The following ZBTB16 variants were observed in gnomAD, a reference collection of about 807,000 sequenced individuals.
The protein encoded by ZBTB16 is zinc finger and BTB domain containing 16.
A neutral mutation model predicts 56.8 loss-of-function variants in ZBTB16; 8 were observed. That is an observed-to-expected ratio of 0.14 (90% CI 0.08 to 0.25). ZBTB16 has a LOEUF of 0.25. Among genes scored for constraint, ZBTB16 ranks in the 10% least tolerant of loss-of-function variants. The pLI is 1.00. For missense variants in ZBTB16, 625 were observed against 903.0 expected (o/e 0.69, Z 3.95); for synonymous variants, 363 against 368.5 (o/e 0.98, Z 0.17).
In ZBTB16 at chr11:114,242,349, C is replaced by T. The variant is rs753893857; in HGVS notation, c.1624+12C>T. The T allele has an allele frequency of 1.9e-6, 3 of 1,612,528 alleles. No homozygotes were observed. Among genetic ancestry groups the T allele is most frequent in the Admixed American group, 1.7e-5 (1 of 59,984 alleles). ...GCGCTCACATACAGGTAGGTCAGTCCAGCTGATGGGTGGATCTGGGTCTCT... is the reference window on the plus strand; with the variant it reads ...GCGCTCACATACAGGTAGGTCAGTCTAGCTGATGGGTGGATCTGGGTCTCT... On this transcript the variant is annotated intron_variant, in intron 5 of 6. Coordinates refer to ENST00000335953, the MANE Select transcript of ZBTB16 (RefSeq NM_006006.6).
chr11:114,107,872 AAATT>A (rs1218050487), intron 2 of ZBTB16, among the ~76,000 whole-genome samples: 1 of 151,738 alleles, frequency 6.6e-6, no homozygotes, highest in Non-Finnish European at 1.5e-5. Context: ...AGAGATTTTC[AAATT>A]AATTTGGAGT....
intron 4 of ZBTB16, among the ~76,000 whole-genome samples, chr11:114,200,080 A>G (rs1038905620): frequency 6.6e-6 from 1 of 151,090 alleles, no homozygotes; most frequent in Non-Finnish European, 1.5e-5. Flanking sequence ...GTGAGAAGAG[A>G]TCACGCCACT....
intron 2 of ZBTB16, among the ~76,000 whole-genome samples, chr11:114,103,663 C>T (rs1176413601): frequency 1.3e-5 from 2 of 152,162 alleles, no homozygotes; most frequent in Non-Finnish European, 2.9e-5. Flanking sequence ...TAAACCTCTG[C>T]ACACAGGATG....
intron 1 of ZBTB16, chr11:114,061,603 G>C (rs1938873508): frequency 6.6e-6 from 1 of 152,312 alleles, no homozygotes; most frequent in Admixed American, 6.5e-5. Context: ...AGACCTTGCT[G>C]TTCCTTGCTC....
At chr11:114,220,952 T>C (rs1205967865) in intron 4 of ZBTB16, among the ~76,000 whole-genome samples, 1 of 152,198 alleles carries the variant, frequency 6.6e-6, no homozygotes, top group African/African-American at 2.4e-5. Context: ...GTAGACAGCT[T>C]CCCTAGTTTC....
chr11:114,107,948 T>C (rs187091569), intron 2 of ZBTB16, among the ~76,000 whole-genome samples: 2 of 151,988 alleles, frequency 1.3e-5, no homozygotes, highest in African/African-American at 4.8e-5. Flanking sequence ...TTCCTTATAG[T>C]GGGATCCCAT....
At chr11:114,096,253 G>A (rs1940401516) in intron 2 of ZBTB16, among the ~76,000 whole-genome samples, 1 of 152,098 alleles carries the variant, frequency 6.6e-6, no homozygotes, top group Non-Finnish European at 1.5e-5. Flanking sequence ...GCCAGGCTTT[G>A]GATATTGGAG....
intron 4 of ZBTB16, among the ~76,000 whole-genome samples, chr11:114,194,511 T>G (rs1002040765): frequency 6.6e-6 from 1 of 152,226 alleles, no homozygotes; most frequent in African/African-American, 2.4e-5. Flanking sequence ...TTTTCTGTTT[T>G]GGTACAACGA....
intron 2 of ZBTB16, among the ~76,000 whole-genome samples, chr11:114,155,192 C>G (rs1013785972): frequency 6.6e-6 from 1 of 152,254 alleles, no homozygotes; most frequent in Non-Finnish European, 1.5e-5. Context: ...CCCACAGATC[C>G]GGCTTCTGGC....
chr11:114,124,564 A>C (rs1257510620), intron 2 of ZBTB16, among the ~76,000 whole-genome samples: 2 of 149,690 alleles, frequency 1.3e-5, no homozygotes, highest in Non-Finnish European at 3.0e-5. Flanking sequence ...AACCAAAAAA[A>C]AAAAAAAACA....
chr11:114,241,103 G>A (rs1350513227), intron 4 of ZBTB16, among the ~76,000 whole-genome samples: 1 of 152,174 alleles, frequency 6.6e-6, no homozygotes, highest in Non-Finnish European at 1.5e-5. Context: ...CATGAGAGCA[G>A]GGACTTTGCA....
rs1253737746 is a variant in ZBTB16 at position 114,060,890 on chromosome 11, A to AC, written c.-91+1012dup. Among the ~76,000 whole-genome samples the AC allele has an allele frequency of 5.3e-5, 8 of 151,054 alleles. No individual in the cohort carries two copies. The South Asian group carries it at 1.5e-3, about 28-fold the overall frequency. ...TGGGTCGGAGAGGGAGGGCGGGCAG[A>AC]CCCCTTCTCGCCTTTCCTCCCACAA... On this transcript the variant is annotated intron_variant, in intron 1 of 6. Transcript: ENST00000335953. This position sits in a 1 kb window ranked among gnomAD's most constrained non-coding sequence, Gnocchi z 6.0.
intron 4 of ZBTB16, among the ~76,000 whole-genome samples, chr11:114,212,065 G>T (rs997093414): frequency 5.9e-5 from 9 of 151,850 alleles, no homozygotes; most frequent in African/African-American, 1.9e-4. Flanking sequence ...GTGTCTTGCC[G>T]CCAGCCCACC....
rs1943361673 is a variant in ZBTB16 at position 114,186,401 on chromosome 11, A to G, written c.1367-551A>G. Among the ~76,000 whole-genome samples the G allele has an allele frequency of 2.0e-5, 3 of 152,132 alleles. 1 individual carries two copies. The highest frequency in any genetic ancestry group is 2.0e-4 in the Admixed American group (3 of 15,280). The stretch of plus-strand genomic sequence containing the variant: ...CCAGAAATGCTTTGTGAGTCACAGT[A>G]AGGAGTTTGGACCTTGTTCTCCAGG... On this transcript the variant is annotated intron_variant, in intron 3 of 6. Transcript: ENST00000335953.
At chr11:114,160,111 G>C (rs1407929433) in intron 3 of ZBTB16, among the ~76,000 whole-genome samples, 2 of 152,148 alleles carry the variant, frequency 1.3e-5, no homozygotes, top group Non-Finnish European at 2.9e-5. Flanking sequence ...GGCTAGCTCT[G>C]TGTGCTGCCC....
intron 2 of ZBTB16, among the ~76,000 whole-genome samples, chr11:114,127,284 G>C (rs919207316): frequency 2.6e-5 from 4 of 152,124 alleles, no homozygotes; most frequent in African/African-American, 4.8e-5. Context: ...GCAGATCAAG[G>C]GTTCTCAAAG....
chr11:114,066,739 A>G (rs1939131259), intron 2 of ZBTB16, among the ~76,000 whole-genome samples: 1 of 147,520 alleles, frequency 6.8e-6, no homozygotes, highest in Admixed American at 6.7e-5. Context: ...TACTTATTTA[A>G]CCTTTCTGGG....
Position 114,064,255 on chromosome 11 carries a change from C to T in ZBTB16, c.955C>T (p.Arg319Ter). Residue 319 changes from arginine (R) to a stop codon, truncating the protein, a stop_gained, in exon 2 of 7, where the codon CGA becomes TGA. Coordinates refer to ENST00000335953, the MANE Select transcript of ZBTB16 (RefSeq NM_006006.6). LOFTEE classifies it high-confidence loss of function. The surrounding 1 kb of genome is among the most constrained non-coding windows in gnomAD (Gnocchi z 4.2). ...PAEAGQAPTGRPEHPAPPPEK... is the reference protein window; with the variant it reads ...PAEAGQAPTG ...TGAGGCTGGCCAGGCCCCCACTGGCCGACCTGAGCACCCAGCACCCCCGCC... is the reference window on the plus strand; with the variant it reads ...TGAGGCTGGCCAGGCCCCCACTGGCTGACCTGAGCACCCAGCACCCCCGCC... 1 of 1,614,024 alleles carries T rather than the reference C, an allele frequency of 6.2e-7. No individual in the cohort carries two copies. Among genetic ancestry groups the T allele is most frequent in the Non-Finnish European group, 8.5e-7 (1 of 1,180,022 alleles).
chr11:114,142,852 C>T (rs139919799), intron 2 of ZBTB16, among the ~76,000 whole-genome samples: 223 of 152,188 alleles, frequency 1.5e-3, no homozygotes, highest in African/African-American at 5.1e-3. Flanking sequence ...TCCCCCATCC[C>T]CATCGGGAGG....
Sources: gnomAD v4.1 joint callset for allele counts (sites outside exome capture counted in the v4.1 genomes callset) on GRCh38, gnomAD v4.1.1 for gene constraint, Gnocchi (gnomAD v3.1) non-coding constraint, MANE v1.5 for transcripts, NCBI Gene and HGNC (gene_info 2026-07-23, HGNC 2026-07-21) for gene names.